CLCA4: variants seen among roughly 807,000 people sequenced by gnomAD.
The protein encoded by CLCA4 is calcium-activated chloride channel regulator 4.
In CLCA4, 69 loss-of-function variants were observed where a neutral mutation model predicts 78.9. That is an observed-to-expected ratio of 0.87 (90% CI 0.72 to 1.07). CLCA4 has a LOEUF of 1.07. Ranked by LOEUF, CLCA4 falls within the 50% of genes least tolerant of loss-of-function variation. The pLI is 0.00. For synonymous variants in CLCA4, 362 were observed against 375.8 expected, an observed-to-expected ratio of 0.96 and a Z score of 0.42; for missense variants, 1,133 against 1,095.8, an observed-to-expected ratio of 1.03 and a Z score of -0.48.
Position 86,565,601 on chromosome 1 carries a change from G to A in CLCA4, c.735+150G>A, listed in dbSNP as rs982403358. 4 of 682,342 alleles carry A rather than the reference G, an allele frequency of 5.9e-6. No homozygotes were observed. The African/African-American group carries it at 7.2e-5, about 12-fold the overall frequency. The allele number at this position is 682,342 out of a possible 1,614,324, so 42.3% of individuals were successfully genotyped here. A position where few individuals can be genotyped will look rare whatever the true frequency, so the allele number is the denominator to read the frequency against. On this transcript the variant is annotated intron_variant, in intron 5 of 13. Coordinates refer to ENST00000370563, the MANE Select transcript of CLCA4 (RefSeq NM_012128.4). ...AACACATAGTATTTGCTGAACTAGT[G>A]CTATCTAGTGTTATCTATTATTACG... is the stretch of plus-strand genomic sequence containing the variant.
intron 1 of CLCA4, among the ~76,000 whole-genome samples, chr1:86,556,128 T>C (rs1034581501): frequency 6.6e-6 from 1 of 152,188 alleles, no homozygotes; most frequent in Non-Finnish European, 1.5e-5. Flanking sequence ...TTTCTAGATA[T>C]AGAATTATGT....
Position 86,569,760 on chromosome 1 carries a change from C to T in CLCA4, c.1183-1317C>T, listed in dbSNP as rs184949557. Among the ~76,000 whole-genome samples, 4 of 152,050 alleles carry T rather than the reference C, an allele frequency of 2.6e-5. No individual in the cohort carries two copies. The East Asian group carries it at 7.7e-4, about 29-fold the overall frequency. Reference sequence around the variant, plus strand: ...GTCTTCCTTGTTCATCTCTAGATCTCCTCAGTCTCTGACACAAAGCTCCAT... The same window carrying T: ...GTCTTCCTTGTTCATCTCTAGATCTTCTCAGTCTCTGACACAAAGCTCCAT... On this transcript the variant is annotated intron_variant, in intron 7 of 13. Transcript: ENST00000370563.
At chr1:86,576,268 G>A (rs1187250237) in intron 11 of CLCA4, among the ~76,000 whole-genome samples, 1 of 151,926 alleles carries the variant, frequency 6.6e-6, no homozygotes, top group African/African-American at 2.4e-5. Context: ...GGCTCAAGCA[G>A]TCCTCCTATC....
Position 86,565,424 on chromosome 1 carries a change from C to G in CLCA4, c.708C>G (p.Ser236=), listed in dbSNP as rs1224777551. ...ATAAAGTACAAACAGAAAAAGCATC[C>G]ATAATGTTTATGCAAAGTATTGATT... ...FPDKVQTEKA[S]IMFMQSIDSV... Residue 236 remains serine, a synonymous_variant, in exon 5 of 14, where the codon TCC becomes TCG. Coordinates refer to ENST00000370563, the MANE Select transcript of CLCA4 (RefSeq NM_012128.4). 5 of 1,598,882 alleles carry G rather than the reference C, an allele frequency of 3.1e-6. No homozygotes were observed. Among genetic ancestry groups the G allele is most frequent in the Non-Finnish European group, 2.6e-6 (3 of 1,172,704 alleles).
intron 1 of CLCA4, among the ~76,000 whole-genome samples, chr1:86,558,150 G>A (rs1347808917): frequency 1.3e-5 from 2 of 151,978 alleles, no homozygotes; most frequent in Non-Finnish European, 2.9e-5. Flanking sequence ...TATTCAGCTT[G>A]CCACTCTGTG....
At position 86,547,124 on chromosome 1, in the gene CLCA4, G is replaced by A; in HGVS notation, c.5G>A (p.Gly2Glu). Residue 2 changes from glycine (G) to glutamate (E), a missense_variant, in exon 1 of 14, where the codon GGG becomes GAG. By Grantham distance (98) the Gly-to-Glu change is moderately conservative. Coordinates refer to ENST00000370563, the MANE Select transcript of CLCA4 (RefSeq NM_012128.4). Reference protein sequence around the residue: MGLFRGFVFLLV... With the variant: MELFRGFVFLLV... ...AGGAATAACTAGAGAGGAACAATGGGGTTATTCAGAGGTTTTGTTTTCCTC... is the reference window on the plus strand; with the variant it reads ...AGGAATAACTAGAGAGGAACAATGGAGTTATTCAGAGGTTTTGTTTTCCTC... The A allele has an allele frequency of 6.2e-7, 1 of 1,602,496 alleles. No homozygotes were observed.
intron 12 of CLCA4, among the ~76,000 whole-genome samples, 159 bp from the exon 13 acceptor site, chr1:86,579,195 C>A: frequency 6.6e-6 from 1 of 152,020 alleles, no homozygotes; most frequent in East Asian, 1.9e-4. Flanking sequence ...AGAAAGAATT[C>A]TCTCACCAGT....
intron 1 of CLCA4, chr1:86,552,886 T>C (rs1271224151): frequency 2.7e-5 from 19 of 702,182 alleles, no homozygotes; most frequent in Non-Finnish European, 4.9e-5. Context: ...CTTCCTCTGT[T>C]TTCTTGAGGG....
At chr1:86,572,058 T>C (rs1428915889) in intron 8 of CLCA4, among the ~76,000 whole-genome samples, 3 of 152,032 alleles carry the variant, frequency 2.0e-5, no homozygotes, top group African/African-American at 7.2e-5. Flanking sequence ...AAAGTAGTAC[T>C]TTTTTGGATT....
In CLCA4 at chr1:86,577,916, A is replaced by C; in HGVS notation, c.1966A>C (p.Lys656Gln). The C allele has an allele frequency of 6.2e-7, 1 of 1,610,146 alleles. No individual in the cohort carries two copies. The highest frequency in any genetic ancestry group is 8.5e-7 in the Non-Finnish European group (1 of 1,178,440). Residue 656 changes from lysine to glutamine, a missense_variant, in exon 12 of 14, where the codon AAG becomes CAG. Lys to Gln is a moderately conservative substitution (Grantham distance 53). Transcript: ENST00000370563. ...TCTATAACAAGGCGCTGATTCTTTC[A>C]AGAATGATGGAGTCTACTCCAGGTA... ...LDNGAGADSFKNDGVYSRYFT... is the reference protein window; with the variant it reads ...LDNGAGADSFQNDGVYSRYFT...
At position 86,547,103 on chromosome 1, in the gene CLCA4, A is replaced by G. The variant is rs2231579; in HGVS notation, c.-17A>G. On this transcript the variant is annotated 5_prime_UTR_variant, in exon 1 of 14. Coordinates refer to ENST00000370563, the MANE Select transcript of CLCA4 (RefSeq NM_012128.4). ...GAACAAACCAACATTTGAGCCAGGA[A>G]TAACTAGAGAGGAACAATGGGGTTA... 5,037 of 1,591,400 alleles carry G rather than the reference A, an allele frequency of 3.2e-3. 14 individuals carry two copies. The highest frequency in any genetic ancestry group is 4.2e-3 in the Admixed American group (219 of 52,316).
At chr1:86,574,820 G>A in intron 10 of CLCA4, 65 bp downstream of exon 10, 1 of 1,186,030 alleles carries the variant, frequency 8.4e-7, no homozygotes, top group Non-Finnish European at 1.2e-6. Context: ...ATTGTTTAAT[G>A]TCATAAATGT....
At chr1:86,578,101 G>T (rs1353271759) in intron 12 of CLCA4, 29 bp downstream of exon 12, 3 of 1,579,508 alleles carry the variant, frequency 1.9e-6, no homozygotes, top group Non-Finnish European at 8.6e-7. Context: ...TTATAATCCA[G>T]TGATAGTTTG....
chr1:86,556,251 T>C (rs573348799), intron 1 of CLCA4, among the ~76,000 whole-genome samples: 30 of 152,190 alleles, frequency 2.0e-4, no homozygotes, highest in Non-Finnish European at 8.8e-5. Flanking sequence ...TGAATAGGAG[T>C]GGTGAGAGAC....
intron 1 of CLCA4, among the ~76,000 whole-genome samples, chr1:86,555,044 T>G (rs1280325999): frequency 1.3e-5 from 2 of 152,198 alleles, no homozygotes. Flanking sequence ...TGCCCACTTT[T>G]TAATGCATTG....
Position 86,560,212 on chromosome 1 carries a change from C to G in CLCA4, c.302C>G (p.Ala101Gly). The G allele has an allele frequency of 6.2e-7, 1 of 1,603,370 alleles. No homozygotes were observed. Among genetic ancestry groups the G allele is most frequent in the Non-Finnish European group, 8.5e-7 (1 of 1,176,460 alleles). ...GACAATCTTTTTCAACATTCTCAGG[C>G]TGATGTTATAGTTGCACCACCTACA... The part of the protein sequence containing the change: ...KRPKHENHKH[A>G]DVIVAPPTLP... The change falls in exon 3 of 14, where the codon GCT becomes GGT. Residue 101 changes from alanine (A) to glycine (G), a missense_variant and splice_region_variant. Ala to Gly is a moderately conservative substitution (Grantham distance 60, BLOSUM62 0). Transcript: ENST00000370563.
At chr1:86,551,924 G>A (rs946087948) in intron 1 of CLCA4, among the ~76,000 whole-genome samples, 15 of 152,116 alleles carry the variant, frequency 9.9e-5, no homozygotes, top group African/African-American at 3.6e-4. Context: ...AGCTGTGTGC[G>A]GTTTTTGAGT....
At chr1:86,573,750 A>G (rs563085970) in intron 9 of CLCA4, among the ~76,000 whole-genome samples, 1 of 152,164 alleles carries the variant, frequency 6.6e-6, no homozygotes, top group South Asian at 2.1e-4. Flanking sequence ...ATCATCGTTG[A>G]CTGAGAACAT....
At chr1:86,554,488 C>T (rs562004514) in intron 1 of CLCA4, among the ~76,000 whole-genome samples, 21 of 152,264 alleles carry the variant, frequency 1.4e-4, no homozygotes, top group Admixed American at 5.2e-4. Context: ...TGGTCTCGAA[C>T]TCCTGACCCG....
Sources: allele counts gnomAD v4.1 joint callset (sites outside exome capture counted in the v4.1 genomes callset), GRCh38; gene constraint gnomAD v4.1.1; transcripts MANE v1.5; gene names NCBI Gene and HGNC (gene_info 2026-07-23, HGNC 2026-07-21).